WDPCP: variants seen among roughly 807,000 people sequenced by gnomAD.
The protein encoded by WDPCP is WD repeat-containing and planar cell polarity effector protein fritz homolog.
WDPCP carries 71 observed loss-of-function variants against 93.1 expected under a neutral mutation model. The observed-to-expected ratio is 0.76, with a 90% confidence interval of 0.63 to 0.93. The LOEUF (loss-of-function observed/expected upper bound fraction) is 0.93, where lower values mean the gene tolerates loss of function less well. Among genes scored for constraint, WDPCP ranks in the 40% least tolerant of loss-of-function variants. The pLI is 0.00. For missense variants in WDPCP, 844 were observed against 887.4 expected (o/e 0.95, Z 0.62); for synonymous variants, 315 against 315.0 (o/e 1.00, Z 0.00).
At chr2:63,645,874 C>T (rs997637214) in intron 3 of WDPCP, among the ~76,000 whole-genome samples, 10 of 152,166 alleles carry the variant, frequency 6.6e-5, no homozygotes, top group Non-Finnish European at 1.5e-4. Flanking sequence ...CATCCCTTTA[C>T]ATTCAGTCTA....
intron 2 of WDPCP, among the ~76,000 whole-genome samples, chr2:63,743,012 T>C (rs1669745763): frequency 6.6e-6 from 1 of 152,050 alleles, no homozygotes; most frequent in Non-Finnish European, 1.5e-5. Flanking sequence ...TGTTTACATC[T>C]TTTTAATCCC....
At position 63,303,797 on chromosome 2, in the gene WDPCP, A is replaced by G. The variant is rs145999127; in HGVS notation, c.1812+9451T>C. On this transcript the variant is annotated intron_variant, in intron 13 of 17. Transcript: ENST00000272321. Reference sequence around the variant, plus strand: ...AACAACCCAGCAAGAGAAAAGAACAAACAATCCCATTAAAAGTGGGCAAAA... The same window carrying G: ...AACAACCCAGCAAGAGAAAAGAACAGACAATCCCATTAAAAGTGGGCAAAA... Among the ~76,000 whole-genome samples, 3 of 152,326 alleles carry G rather than the reference A, an allele frequency of 2.0e-5. No individual in the cohort carries two copies. The East Asian group carries it at 5.8e-4, about 29-fold the overall frequency.
At position 63,536,856 on chromosome 2, in the gene WDPCP, C is replaced by T. The variant is rs1216971157; in HGVS notation, c.76-43916G>A. ...TCTTGGCTCACTGCAACCTTCGCCT[C>T]CCAAGTTCAAATGATTCTTGTGCCT... On this transcript the variant is annotated intron_variant, in intron 1 of 17. Transcript: ENST00000272321. 2.0e-5 allele frequency among the ~76,000 whole-genome samples: 3 copies of T among 150,020 alleles called. No homozygotes were observed. In the East Asian group the frequency reaches 5.9e-4, roughly 30 times the overall value.
intron 10 of WDPCP, among the ~76,000 whole-genome samples, chr2:63,394,133 A>G (rs1693516065): frequency 6.6e-6 from 1 of 152,220 alleles, no homozygotes; most frequent in Non-Finnish European, 1.5e-5. Context: ...AGATATTTGC[A>G]AATTATGCAT....
intron 2 of WDPCP, among the ~76,000 whole-genome samples, chr2:63,682,605 T>C (rs978851880): frequency 2.6e-5 from 4 of 152,010 alleles, no homozygotes; most frequent in African/African-American, 9.7e-5. Flanking sequence ...GAGAAAGAGA[T>C]ACAGATAGAA....
chr2:63,135,201 C>T (rs1352514656), intron 17 of WDPCP, among the ~76,000 whole-genome samples: 1 of 152,194 alleles, frequency 6.6e-6, no homozygotes, highest in Non-Finnish European at 1.5e-5. Context: ...GAATAGTCTA[C>T]TAAATTCAGG....
intron 2 of WDPCP, among the ~76,000 whole-genome samples, chr2:63,749,131 A>T (rs1212140322): frequency 2.6e-5 from 4 of 152,106 alleles, no homozygotes; most frequent in Admixed American, 1.3e-4. Flanking sequence ...TTTCCAGGTC[A>T]TGCTTACACT....
chr2:63,193,434 A>G (rs1675191419), intron 14 of WDPCP, among the ~76,000 whole-genome samples: 1 of 152,216 alleles, frequency 6.6e-6, no homozygotes, highest in African/African-American at 2.4e-5. Context: ...GTTAACAAAA[A>G]TGTTTAAAAG....
chr2:63,168,184 T>A (rs1673128678), intron 15 of WDPCP, among the ~76,000 whole-genome samples: 1 of 152,008 alleles, frequency 6.6e-6, no homozygotes, highest in Non-Finnish European at 1.5e-5. Context: ...TCCTTGCATC[T>A]TTTATAGATT....
intron 14 of WDPCP, among the ~76,000 whole-genome samples, chr2:63,203,228 C>T (rs1676060733): frequency 6.6e-6 from 1 of 151,942 alleles, no homozygotes; most frequent in African/African-American, 2.4e-5. Flanking sequence ...ATGAGATGTT[C>T]TGAAACAGGC....
chr2:63,452,949 G>A (rs540776781), intron 6 of WDPCP, among the ~76,000 whole-genome samples: 1 of 152,164 alleles, frequency 6.6e-6, no homozygotes, highest in South Asian at 2.1e-4. Flanking sequence ...AATTCAAGAT[G>A]GATTAAAGAC....
At chr2:63,682,024 T>C (rs192907729) in intron 2 of WDPCP, among the ~76,000 whole-genome samples, 1 of 152,176 alleles carries the variant, frequency 6.6e-6, no homozygotes, top group African/African-American at 2.4e-5. Context: ...GATCACAACA[T>C]TCAAGTCCTT....
intron 1 of WDPCP, among the ~76,000 whole-genome samples, chr2:63,501,919 CT>C (rs1257170623): frequency 1.3e-5 from 2 of 152,148 alleles, no homozygotes; most frequent in East Asian, 3.8e-4. Flanking sequence ...CCTGACTGGT[CT>C]TTTGTTTCTT....
At chr2:63,779,890 A>C (rs1017664749) in intron 2 of WDPCP, among the ~76,000 whole-genome samples, 4 of 152,168 alleles carry the variant, frequency 2.6e-5, no homozygotes, top group African/African-American at 9.7e-5. Flanking sequence ...ATAAGATCTA[A>C]ATTATACTTT....
At chr2:63,517,212 C>T (rs950149986) in intron 1 of WDPCP, among the ~76,000 whole-genome samples, 43 of 151,966 alleles carry the variant, frequency 2.8e-4, no homozygotes, top group African/African-American at 8.7e-4. Flanking sequence ...AATCCATTTC[C>T]TATAAAAATA....
chr2:63,686,121 A>G (rs989446132), intron 2 of WDPCP, among the ~76,000 whole-genome samples: 2 of 152,212 alleles, frequency 1.3e-5, no homozygotes, highest in Non-Finnish European at 2.9e-5. Flanking sequence ...ATCAGACAAG[A>G]GAAAGAAAGG....
chr2:63,385,625 A>G (rs978890850), intron 10 of WDPCP, among the ~76,000 whole-genome samples: 1 of 152,054 alleles, frequency 6.6e-6, no homozygotes, highest in African/African-American at 2.4e-5. Flanking sequence ...ACACCTAAAT[A>G]ATTGGAGAAG....
At chr2:63,392,387 A>G (rs1693336376) in intron 10 of WDPCP, among the ~76,000 whole-genome samples, 3 of 152,232 alleles carry the variant, frequency 2.0e-5, no homozygotes, top group African/African-American at 4.8e-5. Flanking sequence ...AAGTTAATTC[A>G]AGATGGATCA....
intron 6 of WDPCP, among the ~76,000 whole-genome samples, chr2:63,453,602 C>T (rs1558655142): frequency 6.6e-6 from 1 of 152,036 alleles, no homozygotes; most frequent in Non-Finnish European, 1.5e-5. Flanking sequence ...GGGTATATAC[C>T]TAAAGGAATA....
Sources: allele counts gnomAD v4.1 joint callset (sites outside exome capture counted in the v4.1 genomes callset), GRCh38; gene constraint gnomAD v4.1.1; transcripts MANE v1.5; gene names NCBI Gene and HGNC (gene_info 2026-07-23, HGNC 2026-07-21).